DNAAF9: variants seen among roughly 807,000 people sequenced by gnomAD.
DNAAF9 encodes the protein dynein axonemal assembly factor 9.
Under a neutral mutation model 167.0 loss-of-function variants are expected in DNAAF9, and 90 were observed. The ratio of observed to expected loss-of-function variants is 0.54; its 90% CI spans 0.45 to 0.64. DNAAF9 has a LOEUF of 0.64. Among genes scored for constraint, DNAAF9 ranks in the 30% least tolerant of loss-of-function variants. The probability of loss-of-function intolerance (pLI) is 0.00; values close to 1 mark genes in which losing one functional copy is unlikely to be tolerated. For synonymous variants in DNAAF9, 491 were observed against 508.8 expected, an observed-to-expected ratio of 0.96 and a Z score of 0.47; for missense variants, 1,315 against 1,442.2, an observed-to-expected ratio of 0.91 and a Z score of 1.43.
chr20:3,377,679 C>T (rs1437145089), intron 3 of DNAAF9, among the ~76,000 whole-genome samples: 1 of 151,858 alleles, frequency 6.6e-6, no homozygotes, highest in African/African-American at 2.4e-5. Flanking sequence ...AGGCTGGTCT[C>T]GAACTCCTAA....
At chr20:3,254,088 TA>T (rs2068237941) in intron 35 of DNAAF9, among the ~76,000 whole-genome samples, 1 of 152,120 alleles carries the variant, frequency 6.6e-6, no homozygotes, top group Non-Finnish European at 1.5e-5. Flanking sequence ...TTTATTTATT[TA>T]TTTTTTTGAG....
chr20:3,339,183 T>A (rs2070029441), intron 10 of DNAAF9, among the ~76,000 whole-genome samples: 1 of 152,228 alleles, frequency 6.6e-6, no homozygotes, highest in Non-Finnish European at 1.5e-5. Flanking sequence ...ACTATTCATC[T>A]CTTCTTACAT....
intron 1 of DNAAF9, among the ~76,000 whole-genome samples, chr20:3,383,797 G>T (rs576116139): frequency 1.9e-4 from 26 of 136,606 alleles, no homozygotes; most frequent in Admixed American, 1.5e-3. Flanking sequence ...TGCCCCACTG[G>T]ATTCTTTTTT....
chr20:3,281,545 T>C (rs1056305191), intron 28 of DNAAF9, 96 bp downstream of exon 28: 9 of 1,192,438 alleles, frequency 7.5e-6, no homozygotes, highest in African/African-American at 4.7e-5. Context: ...ATTTACTACA[T>C]ACAAGGTGAC....
At chr20:3,256,736 C>T (rs2068287327) in intron 33 of DNAAF9, among the ~76,000 whole-genome samples, 1 of 152,204 alleles carries the variant, frequency 6.6e-6, no homozygotes, top group South Asian at 2.1e-4. Context: ...GAGACATCCA[C>T]ATAGTCCCTG....
rs751275434 is a variant in DNAAF9 at position 3,270,440 on chromosome 20, C to T, written c.2773G>A (p.Gly925Arg). The change falls in exon 30 of 37, where the codon GGG (glycine) becomes AGG (arginine). Residue 925 changes from glycine to arginine, a missense_variant. Gly to Arg is a moderately radical substitution (Grantham distance 125, BLOSUM62 -2). This residue lies in a region of DNAAF9 where 334 missense variants were observed against 429.7 expected (regional missense o/e 0.78). Transcript: ENST00000252032. ...PAAAFILAEN[G>R]IVTRNEDIEL... is the part of the protein sequence containing the mutation. ...TCTATAGATTACCTGGTGACAATCC[C>T]ATTTTCTGCAAGAATGAAGGCTGCA... 6 of 1,613,942 alleles carry T rather than the reference C, an allele frequency of 3.7e-6. No individual in the cohort carries two copies. Among genetic ancestry groups the T allele is most frequent in the Admixed American group, 1.7e-5 (1 of 60,012 alleles).
chr20:3,313,688 G>C (rs2123024934), intron 20 of DNAAF9, among the ~76,000 whole-genome samples: 1 of 152,332 alleles, frequency 6.6e-6, no homozygotes, highest in Middle Eastern at 3.4e-3. Context: ...AGTTTGGATT[G>C]AAAGGGACAG....
At chr20:3,375,238 C>T (rs539391738) in intron 4 of DNAAF9, 112 bp from the exon 5 acceptor site, 35 of 706,996 alleles carry the variant, frequency 5.0e-5, no homozygotes, top group Non-Finnish European at 8.4e-5. Flanking sequence ...TTACAGAGGA[C>T]TGCACCCAAG....
chr20:3,297,733 C>T (rs1453251160), intron 22 of DNAAF9, among the ~76,000 whole-genome samples: 1 of 152,150 alleles, frequency 6.6e-6, no homozygotes, highest in Non-Finnish European at 1.5e-5. Flanking sequence ...TAGGGCCCAA[C>T]AATTCAATAA....
In DNAAF9 at chr20:3,308,383, C is replaced by T. The variant is rs1466306532; in HGVS notation, c.1679-3840G>A. ...TTTGAGATGGAGTCTCACTCTGTTG[C>T]CTTGGCTGGAGTGCAGTGGTGCCAT... On this transcript the variant is annotated intron_variant, in intron 20 of 36. Coordinates refer to ENST00000252032, the MANE Select transcript of DNAAF9 (RefSeq NM_001009984.3). Among the ~76,000 whole-genome samples, 5 of 143,068 alleles carry T rather than the reference C, an allele frequency of 3.5e-5. No individual in the cohort carries two copies. In the East Asian group the frequency reaches 1.0e-3, roughly 30 times the overall value. The allele number at this position is 143,068 out of a possible 152,430, so 93.9% of individuals were successfully genotyped here.
Position 3,348,510 on chromosome 20 carries a change from C to T in DNAAF9, c.789+15G>A. ...AACCATTTTATTCTTCCTCTTTGACCCTTCCCTTACATACCTCACCCGCCT... is the reference window on the plus strand; with the variant it reads ...AACCATTTTATTCTTCCTCTTTGACTCTTCCCTTACATACCTCACCCGCCT... On this transcript the variant is annotated intron_variant, in intron 8 of 36. Coordinates refer to ENST00000252032, the MANE Select transcript of DNAAF9 (RefSeq NM_001009984.3). 2 of 1,400,762 alleles carry T rather than the reference C, an allele frequency of 1.4e-6. No homozygotes were observed. Among genetic ancestry groups the T allele is most frequent in the East Asian group, 2.3e-5 (1 of 43,498 alleles). The allele number at this position is 1,400,762 out of a possible 1,614,324, so 86.8% of individuals were successfully genotyped here. A position where few individuals can be genotyped will look rare whatever the true frequency, so the allele number is the denominator to read the frequency against.
intron 20 of DNAAF9, among the ~76,000 whole-genome samples, chr20:3,309,715 A>G (rs796634672): frequency 5.9e-5 from 9 of 152,356 alleles, no homozygotes; most frequent in African/African-American, 2.2e-4. Flanking sequence ...ATAATTCAAC[A>G]GAAAAGTCTC....
intron 26 of DNAAF9, among the ~76,000 whole-genome samples, chr20:3,289,150 C>T (rs1370096873): frequency 6.6e-6 from 1 of 152,064 alleles, no homozygotes; most frequent in Non-Finnish European, 1.5e-5. Context: ...AGTTTGAGAC[C>T]AGCCTGGACA....
chr20:3,368,329 T>C (rs913748785), intron 6 of DNAAF9, among the ~76,000 whole-genome samples: 6 of 152,112 alleles, frequency 3.9e-5, no homozygotes, highest in Non-Finnish European at 7.4e-5. Flanking sequence ...CTCACATTGA[T>C]TGTTTCCGTC....
In DNAAF9 at chr20:3,252,498, G is replaced by A. The variant is rs2068209636; in HGVS notation, c.*74C>T. 3.6e-6 allele frequency: 3 copies of A among 839,376 alleles called. No individual in the cohort carries two copies. The highest frequency in any genetic ancestry group is 6.2e-6 in the Non-Finnish European group (3 of 481,198). The allele number at this position is 839,376 out of a possible 1,614,324, so 52.0% of individuals were successfully genotyped here. Reference sequence around the variant, plus strand: ...CCCCTTAAGGGAGAGGCCTCCAGCAGAGCTGAGGTTAAGACACCCGTTCGT... The same window carrying A: ...CCCCTTAAGGGAGAGGCCTCCAGCAAAGCTGAGGTTAAGACACCCGTTCGT... On this transcript the variant is annotated 3_prime_UTR_variant, in exon 37 of 37. Coordinates refer to ENST00000252032, the MANE Select transcript of DNAAF9 (RefSeq NM_001009984.3).
chr20:3,294,643 A>G lies in DNAAF9; in HGVS notation c.2019-14T>C, dbSNP rs746290704. 3.2e-6 allele frequency: 5 copies of G among 1,548,094 alleles called. No individual in the cohort carries two copies. Among genetic ancestry groups the G allele is most frequent in the Non-Finnish European group, 4.5e-6 (5 of 1,120,038 alleles). On this transcript the variant is annotated splice_polypyrimidine_tract_variant and intron_variant, in intron 23 of 36. Coordinates refer to ENST00000252032, the MANE Select transcript of DNAAF9 (RefSeq NM_001009984.3). ...GCACTGGAGTGCCTGGAATAACAAA[A>G]GCTCACAGATTAGAAGTCCATCTTC...
At chr20:3,337,159 G>A (rs1011220146) in intron 10 of DNAAF9, among the ~76,000 whole-genome samples, 3 of 151,862 alleles carry the variant, frequency 2.0e-5, no homozygotes, top group Admixed American at 6.6e-5. Context: ...GATTACAGGC[G>A]TGAGCCACCA....
At chr20:3,302,157 T>C (rs1188755588) in intron 21 of DNAAF9, among the ~76,000 whole-genome samples, 1 of 152,152 alleles carries the variant, frequency 6.6e-6, no homozygotes, top group Non-Finnish European at 1.5e-5. Context: ...CAGGCTGGTC[T>C]TGAACTCCTG....
intron 9 of DNAAF9, among the ~76,000 whole-genome samples, chr20:3,342,561 G>A (rs577902853): frequency 2.0e-5 from 3 of 152,188 alleles, no homozygotes; most frequent in East Asian, 1.9e-4. Context: ...CTCAGTGAGC[G>A]CCATGTAAAG....
Sources: allele counts gnomAD v4.1 joint callset (sites outside exome capture counted in the v4.1 genomes callset), GRCh38; gene constraint gnomAD v4.1.1; regional missense constraint gnomAD v4.1.1; transcripts MANE v1.5; gene names NCBI Gene and HGNC (gene_info 2026-07-23, HGNC 2026-07-21).